Variants in SH3PXD2B observed in about 807,000 individuals in gnomAD.
The protein encoded by SH3PXD2B is SH3 and PX domain-containing protein 2B.
SH3PXD2B carries 37 observed loss-of-function variants against 73.1 expected under a neutral mutation model. That is an observed-to-expected ratio of 0.51 (90% CI 0.39 to 0.67). The LOEUF is 0.67. SH3PXD2B is among the 30% of genes least tolerant of loss of function. The pLI is 0.00. For missense variants in SH3PXD2B, 1,053 were observed against 1,197.8 expected, an observed-to-expected ratio of 0.88 and a Z score of 1.78; for synonymous variants, 457 against 480.5, an observed-to-expected ratio of 0.95 and a Z score of 0.64.
intron 1 of SH3PXD2B, among the ~76,000 whole-genome samples, chr5:172,446,969 G>A (rs1759679364): frequency 6.6e-6 from 1 of 152,228 alleles, no homozygotes; most frequent in South Asian, 2.1e-4. Flanking sequence ...CTCTGTGGCA[G>A]GAGTGGGGAA....
At position 172,336,478 on chromosome 5, in the gene SH3PXD2B, T is replaced by C. The variant is rs1336355324; in HGVS notation, c.*1891A>G. ...GCCGACTGGACGAAGGCACTAAAGA[T>C]GCTACAGGTGATCAGAGGAAGCTCC... On this transcript the variant is annotated 3_prime_UTR_variant, in exon 13 of 13. Coordinates refer to ENST00000311601, the MANE Select transcript of SH3PXD2B (RefSeq NM_001017995.3). 4.1e-6 allele frequency: 4 copies of C among 985,892 alleles called. No individual in the cohort carries two copies. Among genetic ancestry groups the C allele is most frequent in the African/African-American group, 1.7e-5 (1 of 57,250 alleles). The allele number at this position is 985,892 out of a possible 1,614,324, so 61.1% of individuals were successfully genotyped here.
chr5:172,391,061 G>C (rs10053598), intron 4 of SH3PXD2B, among the ~76,000 whole-genome samples: 1 of 151,838 alleles, frequency 6.6e-6, no homozygotes, highest in African/African-American at 2.4e-5. Flanking sequence ...GGCTGGTCTC[G>C]AACTCCCGAC....
chr5:172,388,908 G>A (rs1758111279), intron 4 of SH3PXD2B, among the ~76,000 whole-genome samples: 1 of 152,244 alleles, frequency 6.6e-6, no homozygotes, highest in African/African-American at 2.4e-5. Context: ...TTCTTCTGAG[G>A]GCTGGGAGGC....
At chr5:172,375,556 T>G in intron 5 of SH3PXD2B, among the ~76,000 whole-genome samples, 1 of 152,178 alleles carries the variant, frequency 6.6e-6, no homozygotes, top group African/African-American at 2.4e-5. Context: ...GCTTGCTGTC[T>G]CTAACGATTT....
At chr5:172,414,406 T>C (rs1459638768) in intron 2 of SH3PXD2B, among the ~76,000 whole-genome samples, 1 of 123,350 alleles carries the variant, frequency 8.1e-6, no homozygotes, top group South Asian at 2.7e-4. Context: ...GAAGCGGAGG[T>C]GGCCGTGAGC....
intron 7 of SH3PXD2B, among the ~76,000 whole-genome samples, chr5:172,362,079 T>G (rs1229099504): frequency 6.6e-6 from 1 of 152,238 alleles, no homozygotes; most frequent in African/African-American, 2.4e-5. Flanking sequence ...CCACATTTTT[T>G]TGAGCATCTA....
At chr5:172,346,082 T>A in intron 12 of SH3PXD2B, 54 bp downstream of exon 12, 1 of 1,611,996 alleles carries the variant, frequency 6.2e-7, no homozygotes, top group South Asian at 1.1e-5. Flanking sequence ...AAGTAGGAGG[T>A]GATGCCTGGA....
At chr5:172,395,349 T>C (rs1758270431) in intron 3 of SH3PXD2B, among the ~76,000 whole-genome samples, 1 of 152,232 alleles carries the variant, frequency 6.6e-6, no homozygotes, top group African/African-American at 2.4e-5. Flanking sequence ...AGAGGACAGA[T>C]CCTTCCAGTT....
chr5:172,378,520 A>C (rs1409462718), intron 5 of SH3PXD2B, among the ~76,000 whole-genome samples: 1 of 152,208 alleles, frequency 6.6e-6, no homozygotes, highest in Non-Finnish European at 1.5e-5. Flanking sequence ...TTAAAGTAGA[A>C]GAAAATCTGG....
chr5:172,374,497 C>T (rs1315973047), intron 5 of SH3PXD2B, among the ~76,000 whole-genome samples: 8 of 152,190 alleles, frequency 5.3e-5, no homozygotes, highest in African/African-American at 1.7e-4. Flanking sequence ...GCCTGGCCAA[C>T]ATGGTGAAAT....
At chr5:172,359,387 CAAAAAA>C (rs70982393) in intron 7 of SH3PXD2B, among the ~76,000 whole-genome samples, 4 of 84,088 alleles carry the variant, frequency 4.8e-5, no homozygotes, top group African/African-American at 1.4e-4. Flanking sequence ...ACCCCCATCT[CAAAAAA>C]AAAAAAAAAA....
chr5:172,398,458 C>T (rs1758355233), intron 3 of SH3PXD2B, among the ~76,000 whole-genome samples: 1 of 152,130 alleles, frequency 6.6e-6, no homozygotes, highest in African/African-American at 2.4e-5. Context: ...AGCCCAATTT[C>T]CCCAGGCCTA....
chr5:172,444,609 G>A (rs1233798220), intron 1 of SH3PXD2B, among the ~76,000 whole-genome samples: 1 of 152,160 alleles, frequency 6.6e-6, no homozygotes, highest in Non-Finnish European at 1.5e-5. Context: ...TAATTGCCCT[G>A]GAATTTCAGG....
chr5:172,358,780 A>G lies in SH3PXD2B; in HGVS notation c.660T>C (p.Pro220=). The G allele has an allele frequency of 6.2e-7, 1 of 1,611,952 alleles. No homozygotes were observed. Among genetic ancestry groups the G allele is most frequent in the Non-Finnish European group, 8.5e-7 (1 of 1,179,188 alleles). ...GCTCGAGCTCCTCCCTACCTTCTTCAGGCTGCAGAGAAAACTCATCCTGCA... is the reference window on the plus strand; with the variant it reads ...GCTCGAGCTCCTCCCTACCTTCTTCGGGCTGCAGAGAAAACTCATCCTGCA... The part of the protein sequence containing the change: ...DGVQDEFSLQ[P]EEEEKYTVIY... The change falls in exon 8 of 13, where the codon CCT becomes CCC. Residue 220 remains proline, a synonymous_variant. Coordinates refer to ENST00000311601, the MANE Select transcript of SH3PXD2B (RefSeq NM_001017995.3).
intron 7 of SH3PXD2B, among the ~76,000 whole-genome samples, chr5:172,360,643 C>T (rs1440736790): frequency 6.6e-6 from 1 of 152,126 alleles, no homozygotes; most frequent in Non-Finnish European, 1.5e-5. Context: ...ACCAGCCTGA[C>T]CAATATGGTG....
intron 2 of SH3PXD2B, among the ~76,000 whole-genome samples, chr5:172,419,729 A>C (rs1369959432): frequency 6.6e-6 from 1 of 152,106 alleles, no homozygotes; most frequent in East Asian, 1.9e-4. Context: ...CTTCGTGCCC[A>C]AGCTAGCTGA....
At chr5:172,371,104 T>C (rs1757694401) in intron 6 of SH3PXD2B, among the ~76,000 whole-genome samples, 1 of 152,190 alleles carries the variant, frequency 6.6e-6, no homozygotes, top group African/African-American at 2.4e-5. Flanking sequence ...CAGTGCCTTA[T>C]CTACCACAGA....
Position 172,358,890 on chromosome 5 carries a change from G to C in SH3PXD2B, c.563-13C>G. ...ACGAACCACCAACCTGGGGAAGCAA[G>C]AGTGCAGAATGATGTTAGTTGCATC... On this transcript the variant is annotated splice_polypyrimidine_tract_variant and intron_variant, in intron 7 of 12. Transcript: ENST00000311601. 6.2e-7 allele frequency: 1 copy of C among 1,612,108 alleles called. No individual in the cohort carries two copies. Among genetic ancestry groups the C allele is most frequent in the African/African-American group, 1.3e-5 (1 of 74,974 alleles).
At chr5:172,374,104 T>G (rs139002976) in intron 5 of SH3PXD2B, among the ~76,000 whole-genome samples, 1 of 152,090 alleles carries the variant, frequency 6.6e-6, no homozygotes, top group African/African-American at 2.4e-5. Context: ...AGTTTGAAAA[T>G]AGGAGTTAGG....
Sources: gnomAD v4.1 joint callset for allele counts (sites outside exome capture counted in the v4.1 genomes callset) on GRCh38, gnomAD v4.1.1 for gene constraint, MANE v1.5 for transcripts, NCBI Gene and HGNC (gene_info 2026-07-23, HGNC 2026-07-21) for gene names.